The following TAFA5 variants were observed in gnomAD, a reference collection of about 807,000 sequenced individuals.
TAFA5 encodes the protein TAFA chemokine like family member 5, also known as chemokine-like protein TAFA-5.
Under a neutral mutation model 15.3 loss-of-function variants are expected in TAFA5, and 6 were observed. That is an observed-to-expected ratio of 0.39 (90% CI 0.21 to 0.77). The LOEUF (loss-of-function observed/expected upper bound fraction) is 0.77. Ranked by LOEUF, TAFA5 falls within the 30% of genes least tolerant of loss-of-function variation. The pLI, the probability that TAFA5 is intolerant of heterozygous loss-of-function variation, is 0.41. For synonymous variants in TAFA5, 103 were observed against 80.7 expected (o/e 1.28, Z -1.48); for missense variants, 161 against 193.1 (o/e 0.83, Z 0.98).
chr22:48,593,291 C>T (rs1040947942), intron 1 of TAFA5, among the ~76,000 whole-genome samples: 8 of 152,170 alleles, frequency 5.3e-5, no homozygotes, highest in African/African-American at 1.7e-4. Context: ...TGCAGCTGGT[C>T]GGGCCCAGCC....
intron 1 of TAFA5, among the ~76,000 whole-genome samples, chr22:48,585,017 A>G (rs1924288925): frequency 7.2e-6 from 1 of 138,016 alleles, no homozygotes; most frequent in African/African-American, 2.8e-5. Flanking sequence ...CATGCAGAAT[A>G]CACCACACAC....
chr22:48,735,486 G>A (rs993921575), intron 3 of TAFA5, among the ~76,000 whole-genome samples: 11 of 152,086 alleles, frequency 7.2e-5, no homozygotes, highest in African/African-American at 2.2e-4. Context: ...CAAGAAGGGC[G>A]ACCAAAACAC....
In TAFA5 at chr22:48,617,573, C is replaced by T. The variant is rs1925655695; in HGVS notation, c.113-29024C>T. ...CTCGCAGAACCTCGGCACTCACTGT[C>T]CTCACTGTCGTCACCTCTCAGGCTG... On this transcript the variant is annotated intron_variant, in intron 1 of 3. Transcript: ENST00000402357. Among the ~76,000 whole-genome samples the T allele has an allele frequency of 3.3e-5, 5 of 152,248 alleles. No individual in the cohort carries two copies. In the South Asian group the frequency reaches 1.0e-3, roughly 32 times the overall value.
At chr22:48,716,748 A>G (rs1929413123) in intron 3 of TAFA5, among the ~76,000 whole-genome samples, 1 of 152,242 alleles carries the variant, frequency 6.6e-6, no homozygotes, top group African/African-American at 2.4e-5. Context: ...ATATGTCTAC[A>G]TGGCAGAGAT....
At chr22:48,723,749 C>T (rs1929637983) in intron 3 of TAFA5, among the ~76,000 whole-genome samples, 1 of 152,234 alleles carries the variant, frequency 6.6e-6, no homozygotes, top group South Asian at 2.1e-4. Flanking sequence ...GTTGACCCTT[C>T]AGGTTCATGG....
At chr22:48,664,011 C>G (rs4925428) in intron 2 of TAFA5, among the ~76,000 whole-genome samples, 69,869 of 152,110 alleles carry the variant, frequency 0.46, 16,405 homozygotes, top group South Asian at 0.62. Context: ...TTGCTAAGAT[C>G]TACAGTAAAA....
chr22:48,652,462 C>T (rs1209528179), intron 2 of TAFA5, among the ~76,000 whole-genome samples: 2 of 152,210 alleles, frequency 1.3e-5, no homozygotes, highest in South Asian at 2.1e-4. Context: ...TGTTTGACCA[C>T]AGAGCTCACA....
At chr22:48,717,236 A>G in intron 3 of TAFA5, among the ~76,000 whole-genome samples, 1 of 152,230 alleles carries the variant, frequency 6.6e-6, no homozygotes, top group Non-Finnish European at 1.5e-5. Flanking sequence ...CGAAGCCGGG[A>G]AACAGTGTTG....
At chr22:48,673,161 C>A (rs1048212562) in intron 2 of TAFA5, among the ~76,000 whole-genome samples, 1 of 152,252 alleles carries the variant, frequency 6.6e-6, no homozygotes, top group Admixed American at 6.5e-5. Context: ...AGGTCCCCTC[C>A]ATCACCGTCA....
At chr22:48,621,019 C>A (rs1372823217) in intron 1 of TAFA5, among the ~76,000 whole-genome samples, 2 of 139,160 alleles carry the variant, frequency 1.4e-5, no homozygotes, top group African/African-American at 5.7e-5. Context: ...ACCCATCCAC[C>A]CACACTATCC....
intron 1 of TAFA5, among the ~76,000 whole-genome samples, chr22:48,621,091 AATCTACTATCCACCCACTT>A (rs2147182095): frequency 4.7e-5 from 1 of 21,198 alleles, no homozygotes; most frequent in African/African-American, 2.2e-4. Context: ...CCACCCACCC[AATCTACTATCCACCCACTT>A]GCCCACCCTA....
chr22:48,645,153 A>G (rs750526273), intron 1 of TAFA5, among the ~76,000 whole-genome samples: 8 of 152,324 alleles, frequency 5.3e-5, no homozygotes, highest in East Asian at 1.9e-4. Flanking sequence ...GCAGGTGCCC[A>G]TGTGGAGCTG....
intron 2 of TAFA5, among the ~76,000 whole-genome samples, chr22:48,664,132 G>C (rs1262644845): frequency 6.6e-6 from 1 of 152,202 alleles, no homozygotes; most frequent in Non-Finnish European, 1.5e-5. Flanking sequence ...GATGGAAAAG[G>C]CGTTCAGTTT....
At position 48,560,586 on chromosome 22, in the gene TAFA5, TTATTA is replaced by T. The variant is rs1923197078; in HGVS notation, c.112+70889_112+70893del. Reference sequence around the variant, plus strand: ...TTGTATTTTATTATTATTATTATTATTATTATATTATTATTATTAATTATTTATTT... The same window carrying T: ...TTGTATTTTATTATTATTATTATTATTATTATTATTATTAATTATTTATTT... On this transcript the variant is annotated intron_variant, in intron 1 of 3. Transcript: ENST00000402357. The surrounding 1 kb of genome is among the most constrained non-coding windows in gnomAD (Gnocchi z 4.2). 9.0e-4 allele frequency among the ~76,000 whole-genome samples: 15 copies of T among 16,592 alleles called. No individual in the cohort carries two copies. The highest frequency in any genetic ancestry group is 3.2e-3 in the South Asian group (1 of 316). The allele number at this position is 16,592 out of a possible 152,430, so 10.9% of individuals were successfully genotyped here.
rs377764643 is a variant in TAFA5, at chr22:48,490,778, CA to C, written c.112+1090del. On this transcript the variant is annotated intron_variant, in intron 1 of 3. Coordinates refer to ENST00000402357, the MANE Select transcript of TAFA5 (RefSeq NM_001082967.3). This position sits in a 1 kb window ranked among gnomAD's most constrained non-coding sequence, Gnocchi z 5.8. ...GTGATGGAAAAATATGGATTCTTTACAAAAAAAAAAAAAAAAGGCCAGCACC... is the reference window on the plus strand; with the variant it reads ...GTGATGGAAAAATATGGATTCTTTACAAAAAAAAAAAAAAAGGCCAGCACC... Among the ~76,000 whole-genome samples the C allele has an allele frequency of 0.019, 1,603 of 83,496 alleles. 19 individuals carry two copies. The highest frequency in any genetic ancestry group is 0.066 in the South Asian group (159 of 2,426). 54.8% of individuals were successfully genotyped at this position (83,496 alleles called of 152,430 possible). A position where few individuals can be genotyped will look rare whatever the true frequency, so the allele number is the denominator to read the frequency against.
chr22:48,591,647 G>A (rs1437070517), intron 1 of TAFA5, among the ~76,000 whole-genome samples: 2 of 152,246 alleles, frequency 1.3e-5, no homozygotes, highest in Non-Finnish European at 2.9e-5. Context: ...CAGGGTGATG[G>A]GGTGACCCAG....
chr22:48,583,745 CCA>C (rs1042468973), intron 1 of TAFA5, among the ~76,000 whole-genome samples: 3 of 2,368 alleles, frequency 1.3e-3, no homozygotes, highest in African/African-American at 4.9e-3. Context: ...CACACAGACA[CCA>C]CACACACAGT....
At chr22:48,667,525 G>C (rs1026293559) in intron 2 of TAFA5, among the ~76,000 whole-genome samples, 1 of 152,222 alleles carries the variant, frequency 6.6e-6, no homozygotes, top group East Asian at 1.9e-4. Flanking sequence ...TGCCCCTCCC[G>C]CCTTCCGTGC....
intron 1 of TAFA5, among the ~76,000 whole-genome samples, chr22:48,615,440 C>G (rs556896772): frequency 6.6e-6 from 1 of 152,164 alleles, no homozygotes; most frequent in Non-Finnish European, 1.5e-5. Context: ...ACGCTCTGTC[C>G]GTGTTCCTCT....
Sources: gnomAD v4.1 joint callset for allele counts (sites outside exome capture counted in the v4.1 genomes callset) on GRCh38, gnomAD v4.1.1 for gene constraint, Gnocchi (gnomAD v3.1) non-coding constraint, MANE v1.5 for transcripts, NCBI Gene and HGNC (gene_info 2026-07-23, HGNC 2026-07-21) for gene names.